The following IP6K1 variants were observed in gnomAD, a reference collection of about 807,000 sequenced individuals.
The protein encoded by IP6K1 is ATP:1D-myo-inositol-hexakisphosphate phosphotransferase.
In IP6K1, 13 loss-of-function variants were observed where a neutral mutation model predicts 38.3. The observed-to-expected ratio is 0.34, with a 90% CI of 0.22 to 0.54. The LOEUF (loss-of-function observed/expected upper bound fraction) is 0.54. IP6K1 is among the 20% of genes least tolerant of loss of function. The pLI, the probability that IP6K1 is intolerant of heterozygous loss-of-function variation, is 0.92. For missense variants in IP6K1, 397 were observed against 599.8 expected (o/e 0.66, Z 3.53); for synonymous variants, 212 against 229.9 (o/e 0.92, Z 0.70).
At chr3:49,764,959 C>T (rs911541403) in intron 1 of IP6K1, among the ~76,000 whole-genome samples, 12 of 148,882 alleles carry the variant, frequency 8.1e-5, no homozygotes, top group Admixed American at 2.7e-4. Flanking sequence ...AAAACAAAAA[C>T]GTGTTATGAA....
At chr3:49,781,719 A>G (rs932098143) in intron 1 of IP6K1, among the ~76,000 whole-genome samples, 3 of 152,138 alleles carry the variant, frequency 2.0e-5, no homozygotes, top group Admixed American at 2.0e-4. Flanking sequence ...AGGACATCAG[A>G]TCTCATCCCA....
chr3:49,739,137 A>G (rs1174127797), intron 2 of IP6K1, among the ~76,000 whole-genome samples: 2 of 152,012 alleles, frequency 1.3e-5, no homozygotes, highest in Non-Finnish European at 2.9e-5. Flanking sequence ...CTTGAGGAGG[A>G]GGTTTTGAAG....
chr3:49,732,797 G>C lies in IP6K1; in HGVS notation c.610C>G (p.Leu204Val). 1.1e-5 allele frequency: 18 copies of C among 1,613,110 alleles called. No homozygotes were observed. The highest frequency in any genetic ancestry group is 1.5e-5 in the Non-Finnish European group (18 of 1,179,530). ...RMRSESKDRK[L>V]YKFLLLENVV... ...GGAGGGGCAACGAGGATACTGTAGA[G>C]CTTTCGGTCCTTGGACTCGGAGCGC... Residue 204 changes from leucine to valine, a missense_variant, in exon 4 of 6, where the codon CTC becomes GTC. This residue lies in a region of IP6K1 where 62 missense variants were observed against 149.2 expected (regional missense o/e 0.42). Coordinates refer to ENST00000321599, the MANE Select transcript of IP6K1 (RefSeq NM_153273.4).
chr3:49,783,712 C>CA (rs10713526), intron 1 of IP6K1, among the ~76,000 whole-genome samples: 72 of 122,022 alleles, frequency 5.9e-4, no homozygotes, highest in South Asian at 1.9e-3. Flanking sequence ...GATTCCGTCT[C>CA]AAAAAAAAAA....
intron 2 of IP6K1, among the ~76,000 whole-genome samples, chr3:49,744,735 G>A (rs887221653): frequency 6.6e-6 from 1 of 152,114 alleles, no homozygotes; most frequent in Admixed American, 6.6e-5. Flanking sequence ...TAGATATACT[G>A]ATTGCTACTG....
chr3:49,754,573 C>T (rs772201668), intron 1 of IP6K1, among the ~76,000 whole-genome samples: 1 of 151,782 alleles, frequency 6.6e-6, no homozygotes, highest in Non-Finnish European at 1.5e-5. Flanking sequence ...CTTGTTGAAC[C>T]AAATTTAGGA....
At chr3:49,765,670 G>A (rs1236196737) in intron 1 of IP6K1, among the ~76,000 whole-genome samples, 4 of 146,476 alleles carry the variant, frequency 2.7e-5, no homozygotes, top group African/African-American at 7.6e-5. Context: ...AAAAAGGGCC[G>A]CTGTCACTGT....
chr3:49,732,868 T>C lies in IP6K1; in HGVS notation c.539A>G (p.His180Arg). ...NSGLSSEKIS[H>R]NPWSLRCHKQ... The stretch of plus-strand genomic sequence containing the variant: ...GTGACAACGCAGGCTCCAGGGGTTG[T>C]GGCTGATCTTCTCAGAACTCAAGCC... The change falls in exon 4 of 6, where the codon CAC becomes CGC. Residue 180 changes from histidine (H) to arginine (R), a missense_variant. This residue lies in a region of IP6K1 where 171 missense variants were observed against 237.0 expected (regional missense o/e 0.72). Coordinates refer to ENST00000321599, the MANE Select transcript of IP6K1 (RefSeq NM_153273.4). The C allele has an allele frequency of 6.2e-7, 1 of 1,614,150 alleles. No homozygotes were observed. The highest frequency in any genetic ancestry group is 8.5e-7 in the Non-Finnish European group (1 of 1,180,002).
chr3:49,768,529 G>T (rs1248356657), intron 1 of IP6K1, among the ~76,000 whole-genome samples: 2 of 152,168 alleles, frequency 1.3e-5, no homozygotes, highest in Non-Finnish European at 2.9e-5. Flanking sequence ...CAGCATTTTG[G>T]GAGGCTGAGG....
chr3:49,749,070 CA>C (rs2080748918), intron 1 of IP6K1: 1 of 152,212 alleles, frequency 6.6e-6, no homozygotes, highest in Admixed American at 6.5e-5. Flanking sequence ...TGACAGGAGG[CA>C]GAGCTCCGGC....
chr3:49,768,683 T>A (rs2080931750), intron 1 of IP6K1, among the ~76,000 whole-genome samples: 1 of 152,060 alleles, frequency 6.6e-6, no homozygotes, highest in Non-Finnish European at 1.5e-5. Context: ...GGCAGGAGAA[T>A]CACTTAAACC....
chr3:49,781,598 G>T (rs1259020496), intron 1 of IP6K1, among the ~76,000 whole-genome samples: 1 of 152,174 alleles, frequency 6.6e-6, no homozygotes, highest in African/African-American at 2.4e-5. Flanking sequence ...TTTGTGCAGA[G>T]AAAGAGTATG....
chr3:49,732,004 A>G (rs942640150), intron 4 of IP6K1, among the ~76,000 whole-genome samples: 7 of 151,958 alleles, frequency 4.6e-5, no homozygotes, highest in African/African-American at 7.3e-5. Flanking sequence ...TGGTGCAATC[A>G]TGGCCCACTG....
intron 2 of IP6K1, among the ~76,000 whole-genome samples, chr3:49,740,080 G>A (rs1161797275): frequency 3.9e-5 from 6 of 152,040 alleles, no homozygotes; most frequent in African/African-American, 1.4e-4. Context: ...CAGCTCTTTG[G>A]GAGGCCAAGG....
At chr3:49,753,488 A>G (rs2080796225) in intron 1 of IP6K1, among the ~76,000 whole-genome samples, 1 of 152,126 alleles carries the variant, frequency 6.6e-6, no homozygotes, top group Admixed American at 6.6e-5. Flanking sequence ...TACATACTTT[A>G]CTTACTGATA....
At chr3:49,783,448 C>G (rs899627431) in intron 1 of IP6K1, among the ~76,000 whole-genome samples, 3 of 151,730 alleles carry the variant, frequency 2.0e-5, no homozygotes, top group Non-Finnish European at 2.9e-5. Context: ...TGCAGTAGCT[C>G]TCGCCTGTAA....
In IP6K1 at chr3:49,727,455, G is replaced by A. The variant is rs1284798710; in HGVS notation, c.993C>T (p.Tyr331=). The A allele has an allele frequency of 6.2e-7, 1 of 1,614,130 alleles. No homozygotes were observed. The highest frequency in any genetic ancestry group is 1.1e-5 in the South Asian group (1 of 91,086). The part of the protein sequence containing the change: ...VLERQASYRF[Y]SSSLLVIYDG... ...CATAGATGACAAGCAGGGAACTGGA[G>A]TAGAAGCGGTAAGAGGCCTGCCGCT... is the stretch of plus-strand genomic sequence containing the variant. The change falls in exon 6 of 6, where the codon TAC becomes TAT. Residue 331 remains tyrosine, a synonymous_variant. Coordinates refer to ENST00000321599, the MANE Select transcript of IP6K1 (RefSeq NM_153273.4). This position sits in a 1 kb window ranked among gnomAD's most constrained non-coding sequence, Gnocchi z 5.9.
intron 3 of IP6K1, among the ~76,000 whole-genome samples, chr3:49,733,911 C>T (rs975382848): frequency 6.6e-6 from 1 of 152,190 alleles, no homozygotes; most frequent in Non-Finnish European, 1.5e-5. Context: ...AGGAGGATCA[C>T]TTGAGCCCAG....
intron 2 of IP6K1, among the ~76,000 whole-genome samples, chr3:49,743,802 T>C (rs2080695772): frequency 6.6e-6 from 1 of 151,816 alleles, no homozygotes; most frequent in Non-Finnish European, 1.5e-5. Context: ...GTATTTTTAG[T>C]AGAGACAGGG....
Sources: gnomAD v4.1 joint callset for allele counts (sites outside exome capture counted in the v4.1 genomes callset) on GRCh38, gnomAD v4.1.1 for gene constraint, gnomAD v4.1.1 regional missense constraint, Gnocchi (gnomAD v3.1) non-coding constraint, MANE v1.5 for transcripts, NCBI Gene and HGNC (gene_info 2026-07-23, HGNC 2026-07-21) for gene names.